The following RALGAPA1 variants were observed in gnomAD, a reference collection of about 807,000 sequenced individuals.
RALGAPA1 encodes ral GTPase-activating protein subunit alpha-1.
Under a neutral mutation model 269.6 loss-of-function variants are expected in RALGAPA1, and 52 were observed. That is an observed-to-expected ratio of 0.19 (90% CI 0.15 to 0.24). The LOEUF (loss-of-function observed/expected upper bound fraction) is 0.24. Ranked by LOEUF, RALGAPA1 falls within the 10% of genes least tolerant of loss-of-function variation. The pLI, the probability that RALGAPA1 is intolerant of heterozygous loss-of-function variation, is 1.00. For synonymous variants in RALGAPA1, 817 were observed against 1,008.3 expected, an observed-to-expected ratio of 0.81 and a Z score of 3.60; for missense variants, 1,917 against 3,013.9, an observed-to-expected ratio of 0.64 and a Z score of 8.52.
Position 35,782,734 on chromosome 14 carries a change from CTT to C in RALGAPA1, c.107-6991_107-6990del, listed in dbSNP as rs560733578. 1.7e-3 allele frequency among the ~76,000 whole-genome samples: 260 copies of C among 152,198 alleles called. 1 individual carries two copies. The highest frequency in any genetic ancestry group is 2.2e-3 in the Admixed American group (34 of 15,282). ...CCACCACACCCAGCCTCAATGTACT[CTT>C]TACCAAAATCCTAACATAGTTTTTT... On this transcript the variant is annotated intron_variant, in intron 1 of 41. Coordinates refer to ENST00000680220, the MANE Select transcript of RALGAPA1 (RefSeq NM_001346249.2).
rs147543381 is a variant in RALGAPA1, at chr14:35,587,848, T to C, written c.7209+7786A>G. Among the ~76,000 whole-genome samples, 508 of 152,306 alleles carry C rather than the reference T, an allele frequency of 3.3e-3. 7 individuals carry two copies. The highest frequency in any genetic ancestry group is 0.011 in the African/African-American group (477 of 41,574). ...AAAGCTGCACGTTGTGCACATGTAC[T>C]CTAGAACTTAAAGTATAATTTAAAA... is the stretch of plus-strand genomic sequence containing the variant. On this transcript the variant is annotated intron_variant, in intron 37 of 41. Coordinates refer to ENST00000680220, the MANE Select transcript of RALGAPA1 (RefSeq NM_001346249.2).
intron 1 of RALGAPA1, among the ~76,000 whole-genome samples, chr14:35,806,516 A>C (rs1218464365): frequency 6.6e-6 from 1 of 152,200 alleles, no homozygotes; most frequent in African/African-American, 2.4e-5. Context: ...TATAAATTTA[A>C]CTTGGATTGT....
At chr14:35,659,100 CA>C in intron 28 of RALGAPA1, 37 bp downstream of exon 28, 1 of 1,489,122 alleles carries the variant, frequency 6.7e-7, no homozygotes, top group Non-Finnish European at 9.1e-7. Context: ...CTTCCAAACA[CA>C]AAATAGTTAT....
At chr14:35,724,155 C>T (rs1239056640) in intron 14 of RALGAPA1, among the ~76,000 whole-genome samples, 1 of 152,030 alleles carries the variant, frequency 6.6e-6, no homozygotes, top group Non-Finnish European at 1.5e-5. Context: ...CTGTAGCTCC[C>T]ATCATCGGGT....
intron 31 of RALGAPA1, among the ~76,000 whole-genome samples, chr14:35,648,901 T>C (rs1312433662): frequency 6.6e-6 from 1 of 152,224 alleles, no homozygotes; most frequent in Non-Finnish European, 1.5e-5. Flanking sequence ...TCTTCCTACC[T>C]TTCCTACTAG....
At chr14:35,550,118 GAGAA>G (rs2054849603) in intron 39 of RALGAPA1, among the ~76,000 whole-genome samples, 2 of 152,182 alleles carry the variant, frequency 1.3e-5, no homozygotes, top group African/African-American at 4.8e-5. Context: ...CAGAGAGGGC[GAGAA>G]AGAGAGAGAA....
intron 1 of RALGAPA1, among the ~76,000 whole-genome samples, chr14:35,777,890 T>G (rs1274828076): frequency 6.6e-6 from 1 of 152,196 alleles, no homozygotes; most frequent in Non-Finnish European, 1.5e-5. Flanking sequence ...AATAAAAGAT[T>G]TTTGAAAGGA....
chr14:35,765,751 C>T (rs557242709), intron 4 of RALGAPA1: 49 of 381,116 alleles, frequency 1.3e-4, no homozygotes, highest in Non-Finnish European at 2.1e-4. Flanking sequence ...CCACCTTGGC[C>T]TCTCAAAGGG....
chr14:35,568,408 CAAT>C (rs2056885745), intron 39 of RALGAPA1, among the ~76,000 whole-genome samples: 1 of 151,868 alleles, frequency 6.6e-6, no homozygotes, highest in Non-Finnish European at 1.5e-5. Flanking sequence ...ACCTGTATTA[CAAT>C]GAGATAAAAA....
At chr14:35,666,997 C>G (rs2063998283) in intron 26 of RALGAPA1, among the ~76,000 whole-genome samples, 2 of 152,186 alleles carry the variant, frequency 1.3e-5, no homozygotes, top group Non-Finnish European at 1.5e-5. Flanking sequence ...TACTATAACC[C>G]TGTGACTTGT....
chr14:35,776,908 T>C, intron 1 of RALGAPA1, among the ~76,000 whole-genome samples: 1 of 147,382 alleles, frequency 6.8e-6, no homozygotes, highest in Admixed American at 6.8e-5. Context: ...TATGAAGCTT[T>C]AAAAAAAAAA....
chr14:35,576,110 A>G (rs986637800), intron 37 of RALGAPA1, among the ~76,000 whole-genome samples: 6 of 152,158 alleles, frequency 3.9e-5, no homozygotes, highest in Non-Finnish European at 8.8e-5. Flanking sequence ...CAGTTTACAA[A>G]CATATTCATT....
At chr14:35,646,666 C>A (rs2062456395) in intron 31 of RALGAPA1, among the ~76,000 whole-genome samples, 3 of 152,208 alleles carry the variant, frequency 2.0e-5, no homozygotes, top group African/African-American at 7.2e-5. Flanking sequence ...TTCTTTTGCC[C>A]TACAGGATGT....
intron 12 of RALGAPA1, among the ~76,000 whole-genome samples, chr14:35,729,924 G>A (rs1235872475): frequency 6.6e-6 from 1 of 152,146 alleles, no homozygotes; most frequent in Non-Finnish European, 1.5e-5. Context: ...ACAGAGCAGC[G>A]TGTGGAGGCT....
intron 12 of RALGAPA1, among the ~76,000 whole-genome samples, chr14:35,732,518 AAACACAGAAGGACTC>A (rs1385769553): frequency 2.6e-5 from 4 of 152,174 alleles, no homozygotes; most frequent in African/African-American, 9.7e-5. Context: ...GAGACTCAAC[AAACACAGAAGGACTC>A]GCATAAGTAA....
intron 4 of RALGAPA1, among the ~76,000 whole-genome samples, chr14:35,770,379 T>C (rs1352949675): frequency 6.6e-6 from 1 of 152,140 alleles, no homozygotes; most frequent in Non-Finnish European, 1.5e-5. Flanking sequence ...ATGTCTGCTC[T>C]TTCTTGCCAC....
chr14:35,795,312 C>T (rs992523373), intron 1 of RALGAPA1, among the ~76,000 whole-genome samples: 1 of 152,040 alleles, frequency 6.6e-6, no homozygotes. Context: ...TCACACGACA[C>T]AGCACCAAGA....
rs2069444932 is a variant in RALGAPA1, at chr14:35,721,844, C to T, written c.2110G>A (p.Gly704Arg). Residue 704 changes from glycine to arginine, a missense_variant, in exon 16 of 42, where the codon GGA becomes AGA. This residue lies in a region of RALGAPA1 where 40 missense variants were observed against 112.6 expected (regional missense o/e 0.36). Transcript: ENST00000680220. ...ACTGAAACTTTCTGAAATTCATGTCCAACTCCTGGAAATGTAGATTTTCAA... is the reference window on the plus strand; with the variant it reads ...ACTGAAACTTTCTGAAATTCATGTCTAACTCCTGGAAATGTAGATTTTCAA... ...KQKKHKGKGV[G>R]HEFQKVSVDK... 6.2e-7 allele frequency: 1 copy of T among 1,612,524 alleles called. No individual in the cohort carries two copies. Among genetic ancestry groups the T allele is most frequent in the Admixed American group, 1.7e-5 (1 of 59,966 alleles).
rs1210856703 is a variant in RALGAPA1 at position 35,805,273 on chromosome 14, GA to G, written c.106+3456del. On this transcript the variant is annotated intron_variant, in intron 1 of 41. Transcript: ENST00000680220. ...ACCCTGTCTCTACTAAAATACAAAAGAAAAAAAAAAAAGAAAAAATTAGCCA... is the reference window on the plus strand; with the variant it reads ...ACCCTGTCTCTACTAAAATACAAAAGAAAAAAAAAAAGAAAAAATTAGCCA... Among the ~76,000 whole-genome samples, 436 of 134,032 alleles carry G rather than the reference GA, an allele frequency of 3.3e-3. 6 individuals are homozygous for G. The highest frequency in any genetic ancestry group is 0.01 in the African/African-American group (375 of 36,790). The allele number at this position is 134,032 out of a possible 152,430, so 87.9% of individuals were successfully genotyped here.
Sources: gnomAD v4.1 joint callset for allele counts (sites outside exome capture counted in the v4.1 genomes callset) on GRCh38, gnomAD v4.1.1 for gene constraint, gnomAD v4.1.1 regional missense constraint, MANE v1.5 for transcripts, NCBI Gene and HGNC (gene_info 2026-07-23, HGNC 2026-07-21) for gene names.